NLGN1: variants seen among roughly 807,000 people sequenced by gnomAD.
The protein encoded by NLGN1 is neuroligin 1.
NLGN1 carries 12 observed loss-of-function variants against 65.5 expected under a neutral mutation model. That is an observed-to-expected ratio of 0.18 (90% CI 0.12 to 0.30). The LOEUF is 0.30. Ranked by LOEUF, NLGN1 falls within the 10% of genes least tolerant of loss-of-function variation. NLGN1 has a pLI of 1.00. For missense variants in NLGN1, 750 were observed against 1,007.1 expected, an observed-to-expected ratio of 0.74 and a Z score of 3.46; for synonymous variants, 350 against 359.5, an observed-to-expected ratio of 0.97 and a Z score of 0.30.
chr3:174,002,621 T>C (rs1723526784), intron 4 of NLGN1, among the ~76,000 whole-genome samples: 2 of 152,048 alleles, frequency 1.3e-5, no homozygotes, highest in Admixed American at 1.3e-4. Context: ...AGCTAATAGG[T>C]AGAACAATGT....
intron 4 of NLGN1, among the ~76,000 whole-genome samples, chr3:174,073,604 A>G (rs1389217905): frequency 6.6e-6 from 1 of 152,104 alleles, no homozygotes; most frequent in Non-Finnish European, 1.5e-5. Flanking sequence ...GATCATTTTC[A>G]ATGTTTTGGA....
intron 4 of NLGN1, among the ~76,000 whole-genome samples, chr3:174,147,349 C>G (rs1170741682): frequency 6.7e-6 from 1 of 149,602 alleles, no homozygotes; most frequent in African/African-American, 2.5e-5. Flanking sequence ...CGGTGTAGGT[C>G]CATTGTTGCC....
chr3:173,559,498 G>A (rs1028538943), intron 2 of NLGN1, among the ~76,000 whole-genome samples: 6 of 152,108 alleles, frequency 3.9e-5, no homozygotes, highest in Non-Finnish European at 7.4e-5. Flanking sequence ...GATTCATTAA[G>A]GCTTTCTAGC....
At chr3:174,073,110 T>G (rs1469654864) in intron 4 of NLGN1, among the ~76,000 whole-genome samples, 1 of 151,708 alleles carries the variant, frequency 6.6e-6, no homozygotes, top group Non-Finnish European at 1.5e-5. Flanking sequence ...ATATAACAAC[T>G]ATCTAATCAT....
intron 2 of NLGN1, among the ~76,000 whole-genome samples, chr3:173,492,092 C>A (rs1318348807): frequency 2.6e-5 from 4 of 151,760 alleles, no homozygotes; most frequent in Non-Finnish European, 5.9e-5. Context: ...TCTGGGTTTA[C>A]TCTATGTATA....
chr3:173,704,236 G>A (rs1251704659), intron 3 of NLGN1, among the ~76,000 whole-genome samples: 1 of 152,152 alleles, frequency 6.6e-6, no homozygotes, highest in African/African-American at 2.4e-5. Flanking sequence ...GTCTGACACT[G>A]TCCCCAAAAT....
intron 4 of NLGN1, among the ~76,000 whole-genome samples, chr3:173,958,399 T>C (rs756159762): frequency 2.6e-5 from 4 of 152,058 alleles, no homozygotes; most frequent in Non-Finnish European, 4.4e-5. Context: ...CTGATGAGTG[T>C]TCAGCTTTCA....
intron 3 of NLGN1, among the ~76,000 whole-genome samples, chr3:173,632,618 A>G (rs1158216925): frequency 6.6e-6 from 1 of 152,158 alleles, no homozygotes; most frequent in Non-Finnish European, 1.5e-5. Context: ...CAGTCAATTC[A>G]TCGTTAGATA....
chr3:174,209,714 C>A (rs1736098138), intron 4 of NLGN1, among the ~76,000 whole-genome samples: 2 of 139,666 alleles, frequency 1.4e-5, no homozygotes, highest in South Asian at 4.6e-4. Context: ...CTCACTGCAA[C>A]CTCCACCTCC....
chr3:174,278,940 T>A lies in NLGN1; in HGVS notation c.939T>A (p.Ala313=), dbSNP rs139844580. The change falls in exon 6 of 7, where the codon GCT becomes GCA. Residue 313 remains alanine, a synonymous_variant. Coordinates refer to ENST00000457714, the Ensembl canonical transcript of NLGN1. Reference sequence around the variant, plus strand: ...TTAGTTTTCAACCTGCAAAATATGCTAGAATGTTGGCCACAAAAGTTGGTT... The same window carrying A: ...TTAGTTTTCAACCTGCAAAATATGCAAGAATGTTGGCCACAAAAGTTGGTT... The A allele has an allele frequency of 9.1e-5, 140 of 1,535,284 alleles. No homozygotes were observed. The African/African-American group carries it at 1.8e-3, about 20-fold the overall frequency.
At chr3:173,854,906 A>C (rs1017698293) in intron 4 of NLGN1, among the ~76,000 whole-genome samples, 7 of 152,156 alleles carry the variant, frequency 4.6e-5, no homozygotes, top group African/African-American at 1.7e-4. Context: ...AGGCTTTTTG[A>C]AAAATCATAC....
chr3:174,258,449 A>T (rs1487161780), intron 4 of NLGN1, among the ~76,000 whole-genome samples: 1 of 152,188 alleles, frequency 6.6e-6, no homozygotes, highest in Non-Finnish European at 1.5e-5. Flanking sequence ...AAAGTGATGA[A>T]AAAGAAAATG....
In NLGN1 at chr3:174,112,476, G is replaced by A. The variant is rs138654803; in HGVS notation, c.647-162839G>A. 4.8e-3 allele frequency among the ~76,000 whole-genome samples: 729 copies of A among 151,902 alleles called. 2 individuals carry two copies. The highest frequency in any genetic ancestry group is 8.7e-3 in the South Asian group (42 of 4,812). ...GCCACTATTCTTTTTCTTCTGAACC[G>A]ATCACAGCAACTTCTATTTCTCCTT... On this transcript the variant is annotated intron_variant, in intron 4 of 6. Coordinates refer to ENST00000457714, the Ensembl canonical transcript of NLGN1.
At chr3:173,517,265 G>A (rs1169667393) in intron 2 of NLGN1, among the ~76,000 whole-genome samples, 1 of 152,010 alleles carries the variant, frequency 6.6e-6, no homozygotes, top group African/African-American at 2.4e-5. Context: ...TTCAGTGTTA[G>A]AATAGAAGAT....
chr3:173,841,777 GGATGAAATAT>G (rs1017505935), intron 4 of NLGN1, among the ~76,000 whole-genome samples: 15 of 152,262 alleles, frequency 9.9e-5, no homozygotes, highest in African/African-American at 3.6e-4. Context: ...GAGAGCCAAA[GGATGAAATAT>G]GATGAAAAGG....
At chr3:174,204,108 T>G (rs1163197682) in intron 4 of NLGN1, among the ~76,000 whole-genome samples, 4 of 152,212 alleles carry the variant, frequency 2.6e-5, no homozygotes, top group African/African-American at 9.6e-5. Flanking sequence ...GATGGTGATT[T>G]TTAATGAAAT....
At chr3:173,663,601 G>A (rs968387995) in intron 3 of NLGN1, among the ~76,000 whole-genome samples, 2 of 151,940 alleles carry the variant, frequency 1.3e-5, no homozygotes, top group African/African-American at 2.4e-5. Context: ...AACAAGAGAA[G>A]CTCCTAAAGA....
chr3:173,500,764 C>G (rs956247805), intron 2 of NLGN1, among the ~76,000 whole-genome samples: 1 of 151,682 alleles, frequency 6.6e-6, no homozygotes, highest in Middle Eastern at 3.2e-3. Context: ...CTTATTTTCA[C>G]AGAGATACCT....
At chr3:174,273,395 A>AGTCT (rs1749862121) in intron 4 of NLGN1, among the ~76,000 whole-genome samples, 1 of 151,722 alleles carries the variant, frequency 6.6e-6, no homozygotes, top group Non-Finnish European at 1.5e-5. Flanking sequence ...TCATGCCAAT[A>AGTCT]GTCTGTCTTT....
Sources: gnomAD v4.1 joint callset for allele counts (sites outside exome capture counted in the v4.1 genomes callset) on GRCh38, gnomAD v4.1.1 for gene constraint, MANE v1.5 for transcripts, NCBI Gene and HGNC (gene_info 2026-07-23, HGNC 2026-07-21) for gene names.